The following DOCK2 variants were observed in gnomAD, a reference collection of about 807,000 sequenced individuals.
DOCK2 encodes the protein dedicator of cytokinesis protein 2.
Under a neutral mutation model 248.9 loss-of-function variants are expected in DOCK2, and 87 were observed. The ratio of observed to expected loss-of-function variants is 0.35; its 90% CI spans 0.29 to 0.42. The LOEUF is 0.42. Ranked by LOEUF, DOCK2 falls within the 10% of genes least tolerant of loss-of-function variation. The pLI, the probability that DOCK2 is intolerant of heterozygous loss-of-function variation, is 1.00. For synonymous variants in DOCK2, 805 were observed against 821.6 expected (o/e 0.98, Z 0.35); for missense variants, 1,747 against 2,300.2 (o/e 0.76, Z 4.92).
intron 32 of DOCK2, among the ~76,000 whole-genome samples, chr5:170,015,252 G>C (rs1409958196): frequency 1.3e-5 from 2 of 152,252 alleles, no homozygotes; most frequent in South Asian, 4.1e-4. Flanking sequence ...CTTAAGCTTC[G>C]ACAATTCTAT....
chr5:169,671,195 C>T (rs777805702), intron 5 of DOCK2, 21 bp downstream of exon 5: 16 of 1,596,156 alleles, frequency 1.0e-5, no homozygotes, highest in South Asian at 3.3e-5. Flanking sequence ...GAACTCTGCT[C>T]CCTGAGTTGG....
chr5:170,067,737 G>T (rs1303942953), intron 45 of DOCK2, 51 bp downstream of exon 45: 4 of 1,594,318 alleles, frequency 2.5e-6, no homozygotes, highest in Admixed American at 1.7e-5. Context: ...GCAGAGCAGT[G>T]GTGGGAGGAC....
At chr5:169,858,571 G>C (rs999090949) in intron 27 of DOCK2, among the ~76,000 whole-genome samples, 1 of 152,180 alleles carries the variant, frequency 6.6e-6, no homozygotes, top group East Asian at 1.9e-4. Flanking sequence ...GCAGGGCTTC[G>C]GGCCAGAGCA....
intron 23 of DOCK2, among the ~76,000 whole-genome samples, chr5:169,750,198 G>T (rs1200114418): frequency 6.6e-6 from 1 of 152,206 alleles, no homozygotes; most frequent in East Asian, 1.9e-4. Flanking sequence ...GAGGGAATAG[G>T]TAATTTTGGA....
chr5:170,021,076 A>G (rs1461897902), intron 33 of DOCK2, among the ~76,000 whole-genome samples: 1 of 152,214 alleles, frequency 6.6e-6, no homozygotes, highest in East Asian at 1.9e-4. Context: ...TATCACTGTG[A>G]GAGGTAGCAT....
At chr5:169,787,135 C>T (rs1427564534) in intron 25 of DOCK2, among the ~76,000 whole-genome samples, 1 of 152,188 alleles carries the variant, frequency 6.6e-6, no homozygotes, top group East Asian at 1.9e-4. Context: ...ATCACACAGA[C>T]AATAACCGAT....
At chr5:169,746,810 A>C (rs1489360990) in intron 22 of DOCK2, among the ~76,000 whole-genome samples, 1 of 152,208 alleles carries the variant, frequency 6.6e-6, no homozygotes, top group Non-Finnish European at 1.5e-5. Context: ...ATTAATGAGG[A>C]GTCTCACCTT....
chr5:169,880,915 G>A (rs190251799), intron 27 of DOCK2, among the ~76,000 whole-genome samples: 2 of 152,304 alleles, frequency 1.3e-5, no homozygotes, highest in Admixed American at 1.3e-4. Flanking sequence ...GTTCTTGACT[G>A]TGCCAAGTAA....
At chr5:170,029,376 T>C (rs1418170339) in intron 34 of DOCK2, among the ~76,000 whole-genome samples, 1 of 152,222 alleles carries the variant, frequency 6.6e-6, no homozygotes, top group Admixed American at 6.5e-5. Flanking sequence ...TCTTTCCATG[T>C]GCTTATGGGT....
chr5:169,929,405 C>A (rs965503964), intron 27 of DOCK2, among the ~76,000 whole-genome samples: 1 of 152,074 alleles, frequency 6.6e-6, no homozygotes, highest in Non-Finnish European at 1.5e-5. Flanking sequence ...TACAGAACTC[C>A]TAGCTTATCT....
Position 170,045,728 on chromosome 5 carries a change from G to A in DOCK2, c.3877-88G>A, listed in dbSNP as rs1756683918. ...CAAGGTTTCCCCTCAGTCCCAGGAAGCACAGCTACGCCTGAGTCCCTTCCT... is the reference window on the plus strand; with the variant it reads ...CAAGGTTTCCCCTCAGTCCCAGGAAACACAGCTACGCCTGAGTCCCTTCCT... On this transcript the variant is annotated intron_variant, in intron 38 of 51. Coordinates refer to ENST00000520908, the MANE Select transcript of DOCK2 (RefSeq NM_004946.3). 2.3e-6 allele frequency: 3 copies of A among 1,296,994 alleles called. No homozygotes were observed. The Admixed American group carries it at 5.0e-5, about 22-fold the overall frequency. 80.3% of individuals were successfully genotyped at this position (1,296,994 alleles called of 1,614,324 possible).
At chr5:169,851,845 A>C (rs1307803618) in intron 27 of DOCK2, among the ~76,000 whole-genome samples, 1 of 152,210 alleles carries the variant, frequency 6.6e-6, no homozygotes, top group Non-Finnish European at 1.5e-5. Flanking sequence ...TAGCATGAGA[A>C]CAGCCTGGGG....
intron 27 of DOCK2, among the ~76,000 whole-genome samples, chr5:169,960,948 A>G (rs1777062089): frequency 6.6e-6 from 1 of 152,188 alleles, no homozygotes; most frequent in African/African-American, 2.4e-5. Flanking sequence ...TATGAACTGA[A>G]TATATATACT....
chr5:169,853,804 CTTTTTTTTTTTTTTTTTTTTTTTTTTTT>C lies in DOCK2; in HGVS notation c.2799+12970_2799+12997del, dbSNP rs67124138. ...TTCCTTCTATAATCAGGAAAAACAA[CTTTTTTTTTTTTTTTTTTTTTTTTTTTT>C]TTTTTTTTTTTTTTTTTGTGGTAGA... On this transcript the variant is annotated intron_variant, in intron 27 of 51. Coordinates refer to ENST00000520908, the MANE Select transcript of DOCK2 (RefSeq NM_004946.3). Among the ~76,000 whole-genome samples, 10 of 56,820 alleles carry C rather than the reference CTTTTTTTTTTTTTTTTTTTTTTTTTTTT, an allele frequency of 1.8e-4. No individual in the cohort carries two copies. In the South Asian group the frequency reaches 2.4e-3, roughly 14 times the overall value. The allele number at this position is 56,820 out of a possible 152,430, so 37.3% of individuals were successfully genotyped here. A position where few individuals can be genotyped will look rare whatever the true frequency, so the allele number is the denominator to read the frequency against.
chr5:169,721,672 T>C (rs1280601938), intron 22 of DOCK2, among the ~76,000 whole-genome samples: 1 of 152,188 alleles, frequency 6.6e-6, no homozygotes, highest in Non-Finnish European at 1.5e-5. Flanking sequence ...CTAGCTCCCA[T>C]TATTTGTTCC....
chr5:170,054,380 G>C (rs1239297059), intron 41 of DOCK2, among the ~76,000 whole-genome samples: 1 of 152,106 alleles, frequency 6.6e-6, no homozygotes, highest in African/African-American at 2.4e-5. Context: ...TCAGGAGTGG[G>C]ACCAGTGACC....
At chr5:170,003,073 G>T (rs1754895872) in intron 30 of DOCK2, among the ~76,000 whole-genome samples, 1 of 152,190 alleles carries the variant, frequency 6.6e-6, no homozygotes, top group Non-Finnish European at 1.5e-5. Context: ...ACAAAATCTT[G>T]GTACTTGTGG....
At position 170,008,878 on chromosome 5, in the gene DOCK2, C is replaced by T. The variant is rs957419384; in HGVS notation, c.3232+132C>T. ...TAACAGTTCATTACTGTGTGTACCC[C>T]AGTTCCTAATAAGTGCCTGATTATA... On this transcript the variant is annotated intron_variant, in intron 32 of 51. Transcript: ENST00000520908. The T allele has an allele frequency of 2.7e-5, 30 of 1,096,544 alleles. No individual in the cohort carries two copies. The Admixed American group carries it at 2.9e-4, about 11-fold the overall frequency. The allele number at this position is 1,096,544 out of a possible 1,614,324, so 67.9% of individuals were successfully genotyped here. A position where few individuals can be genotyped will look rare whatever the true frequency, so the allele number is the denominator to read the frequency against.
Position 169,840,806 on chromosome 5 carries a change from C to T in DOCK2, c.2753C>T (p.Thr918Ile), listed in dbSNP as rs574377757. ...IQEIMVQLLRTVNRTVITMGR... is the reference protein window; with the variant it reads ...IQEIMVQLLRIVNRTVITMGR... ...GAGATCATGGTCCAGCTGCTGCGGA[C>T]AGTGAACCGGACAGTCATCACCATG... Residue 918 changes from threonine (T) to isoleucine (I), a missense_variant, in exon 27 of 52, where the codon ACA (threonine) becomes ATA (isoleucine). Physicochemically the swap from Thr to Ile is moderately conservative, Grantham distance 89. Around this residue, in one of 4 missense-constraint regions of DOCK2, gnomAD observed 858 missense variants for 1,183.5 expected, o/e 0.72. Coordinates refer to ENST00000520908, the MANE Select transcript of DOCK2 (RefSeq NM_004946.3). 2 of 1,613,940 alleles carry T rather than the reference C, an allele frequency of 1.2e-6. No homozygotes were observed. Among genetic ancestry groups the T allele is most frequent in the South Asian group, 1.1e-5 (1 of 91,070 alleles).
Sources: allele counts gnomAD v4.1 joint callset (sites outside exome capture counted in the v4.1 genomes callset), GRCh38; gene constraint gnomAD v4.1.1; regional missense constraint gnomAD v4.1.1; transcripts MANE v1.5; gene names NCBI Gene and HGNC (gene_info 2026-07-23, HGNC 2026-07-21).